The following HIVEP1 variants were observed in gnomAD, a reference collection of about 807,000 sequenced individuals.
HIVEP1 encodes zinc finger protein 40.
Under a neutral mutation model 180.0 loss-of-function variants are expected in HIVEP1, and 36 were observed. The ratio of observed to expected loss-of-function variants is 0.20; its 90% CI spans 0.15 to 0.26. HIVEP1 has a LOEUF of 0.26. Among genes scored for constraint, HIVEP1 ranks in the 10% least tolerant of loss-of-function variants. The probability of loss-of-function intolerance (pLI) is 1.00; values close to 1 mark genes in which losing one functional copy is unlikely to be tolerated. For missense variants in HIVEP1, 3,143 were observed against 3,268.7 expected (o/e 0.96, Z 0.94); for synonymous variants, 1,239 against 1,239.0 (o/e 1.00, Z 0.00).
chr6:12,069,830 G>A (rs974896881), intron 2 of HIVEP1, among the ~76,000 whole-genome samples: 1 of 148,448 alleles, frequency 6.7e-6, no homozygotes, highest in Non-Finnish European at 1.5e-5. Flanking sequence ...ACTCTTCTAT[G>A]ATAACATCTA....
intron 3 of HIVEP1, among the ~76,000 whole-genome samples, chr6:12,111,578 A>G (rs1050928793): frequency 3.9e-5 from 6 of 152,218 alleles, no homozygotes; most frequent in African/African-American, 1.4e-4. Flanking sequence ...TGTCAGCTGA[A>G]GTCCATTCCC....
At chr6:12,157,519 A>C (rs1364011172) in intron 7 of HIVEP1, among the ~76,000 whole-genome samples, 1 of 152,226 alleles carries the variant, frequency 6.6e-6, no homozygotes, top group Non-Finnish European at 1.5e-5. Flanking sequence ...ACATTGCTTT[A>C]CATGGAGCCT....
At chr6:12,187,284 C>A in the HIVEP1 span, among the ~76,000 whole-genome samples, 18 of 152,076 alleles carry the variant, frequency 1.2e-4, 1 homozygote, top group East Asian at 3.5e-3. Context: ...AATTTGATTC[C>A]AATACTACAG....
chr6:12,018,766 A>C (rs1768001812), intron 2 of HIVEP1, among the ~76,000 whole-genome samples: 1 of 152,170 alleles, frequency 6.6e-6, no homozygotes, highest in African/African-American at 2.4e-5. Flanking sequence ...TTGTGAAATA[A>C]CTTGGGGACT....
intron 6 of HIVEP1, among the ~76,000 whole-genome samples, chr6:12,134,377 G>T (rs933720982): frequency 2.6e-5 from 4 of 152,140 alleles, no homozygotes; most frequent in African/African-American, 9.7e-5. Flanking sequence ...TAAGTACTAA[G>T]CTCTGGGGTC....
chr6:12,015,161 G>C (rs1767657507), intron 1 of HIVEP1, among the ~76,000 whole-genome samples: 1 of 152,188 alleles, frequency 6.6e-6, no homozygotes, highest in Non-Finnish European at 1.5e-5. Flanking sequence ...TCTAAAACAA[G>C]ATGAACAAGA....
chr6:12,177,205 CTAT>C, the HIVEP1 span, among the ~76,000 whole-genome samples: 1 of 152,108 alleles, frequency 6.6e-6, no homozygotes, highest in Non-Finnish European at 1.5e-5. Flanking sequence ...GAAAAAACAA[CTAT>C]TGAGTACTAG....
intron 8 of HIVEP1, among the ~76,000 whole-genome samples, chr6:12,162,526 C>A (rs1760473886): frequency 6.6e-6 from 1 of 152,218 alleles, no homozygotes; most frequent in African/African-American, 2.4e-5. Context: ...AAAAGTCACG[C>A]TCCATGTGCT....
intron 6 of HIVEP1, 131 bp downstream of exon 6, chr6:12,131,073 A>G (rs990655819): frequency 1.1e-5 from 6 of 542,650 alleles, no homozygotes; most frequent in Non-Finnish European, 1.9e-5. Context: ...CATCTTGTCA[A>G]TGTTGTAGTC....
At chr6:12,032,409 T>C (rs904126081) in intron 2 of HIVEP1, among the ~76,000 whole-genome samples, 25 of 152,172 alleles carry the variant, frequency 1.6e-4, no homozygotes, top group African/African-American at 6.0e-4. Context: ...CCCAAAGTGC[T>C]GGGATTACAG....
At chr6:12,080,342 T>G (rs1302646893) in intron 2 of HIVEP1, among the ~76,000 whole-genome samples, 2 of 152,184 alleles carry the variant, frequency 1.3e-5, no homozygotes, top group East Asian at 3.9e-4. Flanking sequence ...TAGCATCTTC[T>G]ATGGGTAAAA....
At chr6:12,085,943 TAAAG>T (rs1408220326) in intron 2 of HIVEP1, among the ~76,000 whole-genome samples, 2 of 152,180 alleles carry the variant, frequency 1.3e-5, no homozygotes, top group Admixed American at 6.5e-5. Context: ...GTTTCACTAA[TAAAG>T]AGACTTCTTT....
chr6:12,014,251 T>A (rs1183165946), intron 1 of HIVEP1, among the ~76,000 whole-genome samples: 2 of 152,234 alleles, frequency 1.3e-5, no homozygotes, highest in African/African-American at 4.8e-5. Context: ...CATGACTTGC[T>A]GCGCCTCTTG....
At chr6:12,165,353 G>T (rs1760673231), downstream of HIVEP1, among the ~76,000 whole-genome samples, 1 of 152,126 alleles carries the variant, frequency 6.6e-6, no homozygotes, top group Non-Finnish European at 1.5e-5. Context: ...TTAGAATTTG[G>T]CTCAGATGAG....
At chr6:12,158,654 T>A (rs982171525) in intron 7 of HIVEP1, among the ~76,000 whole-genome samples, 1 of 152,116 alleles carries the variant, frequency 6.6e-6, no homozygotes, top group Non-Finnish European at 1.5e-5. Flanking sequence ...TTCTCCTCCC[T>A]CTCCCCCAAG....
At chr6:12,178,355 G>A in the HIVEP1 span, among the ~76,000 whole-genome samples, 3 of 152,292 alleles carry the variant, frequency 2.0e-5, no homozygotes, top group South Asian at 2.1e-4. Flanking sequence ...TTGAGAGACC[G>A]AGGTGGGAGG....
chr6:12,031,336 T>C lies in HIVEP1; in HGVS notation c.40+15668T>C, dbSNP rs1370290363. The stretch of plus-strand genomic sequence containing the variant: ...ACTGCCCTAGTGTTGGTGACACATG[T>C]GCAGAGTCTCTGGTTAACCTGGGAT... On this transcript the variant is annotated intron_variant, in intron 2 of 8. Transcript: ENST00000379388. 3.9e-5 allele frequency among the ~76,000 whole-genome samples: 6 copies of C among 152,314 alleles called. No homozygotes were observed. The South Asian group carries it at 1.0e-3, about 26-fold the overall frequency.
intron 3 of HIVEP1, among the ~76,000 whole-genome samples, chr6:12,102,572 A>G (rs1195883748): frequency 1.3e-5 from 2 of 152,220 alleles, no homozygotes; most frequent in African/African-American, 4.8e-5. Context: ...TTGCTGTCAT[A>G]CTGATAACAG....
chr6:12,163,535 C>G lies in HIVEP1; in HGVS notation c.7231C>G (p.Leu2411Val). Reference sequence around the variant, plus strand: ...GGGGATCCATGTGGTACCTGCTGGCCTCACATACTCCACGTTTGTGCCCCT... The same window carrying G: ...GGGGATCCATGTGGTACCTGCTGGCGTCACATACTCCACGTTTGTGCCCCT... ...VGGIHVVPAG[L>V]TYSTFVPLQA... Residue 2411 changes from leucine (L) to valine (V), a missense_variant, in exon 9 of 9, where the codon CTC becomes GTC. By Grantham distance (32) the Leu-to-Val change is conservative (BLOSUM62 1). Transcript: ENST00000379388. 1.9e-6 allele frequency: 3 copies of G among 1,614,182 alleles called. No individual in the cohort carries two copies. Among genetic ancestry groups the G allele is most frequent in the Non-Finnish European group, 2.5e-6 (3 of 1,180,026 alleles).
Sources: gnomAD v4.1 joint callset for allele counts (sites outside exome capture counted in the v4.1 genomes callset) on GRCh38, gnomAD v4.1.1 for gene constraint, MANE v1.5 for transcripts, NCBI Gene and HGNC (gene_info 2026-07-23, HGNC 2026-07-21) for gene names.